RSPH14: variants seen among roughly 807,000 people sequenced by gnomAD.
RSPH14 encodes the protein rhabdoid tumor deletion region gene 1.
Under a neutral mutation model 26.7 loss-of-function variants are expected in RSPH14, and 20 were observed. The observed-to-expected ratio is 0.75, with a 90% CI of 0.53 to 1.09. The LOEUF (loss-of-function observed/expected upper bound fraction) is 1.09. Among genes scored for constraint, RSPH14 ranks in the 50% least tolerant of loss-of-function variants. The probability of loss-of-function intolerance (pLI) is 0.00; values close to 1 mark genes in which losing one functional copy is unlikely to be tolerated. For missense variants in RSPH14, 449 were observed against 457.2 expected, an observed-to-expected ratio of 0.98 and a Z score of 0.16; for synonymous variants, 177 against 189.3, an observed-to-expected ratio of 0.93 and a Z score of 0.53.
the RSPH14 span, among the ~76,000 whole-genome samples, chr22:23,164,770 T>G: frequency 6.6e-6 from 1 of 152,102 alleles, no homozygotes; most frequent in Non-Finnish European, 1.5e-5. Context: ...TGTGTGTCCT[T>G]CCGTTCACCT....
intron 4 of RSPH14, among the ~76,000 whole-genome samples, chr22:23,108,231 C>T (rs559168240): frequency 1.3e-5 from 2 of 152,376 alleles, no homozygotes; most frequent in African/African-American, 4.8e-5. Flanking sequence ...TGCCATCCAC[C>T]CCGTGCTGGG....
chr22:23,173,111 T>C, the RSPH14 span, among the ~76,000 whole-genome samples: 24 of 152,160 alleles, frequency 1.6e-4, no homozygotes, highest in Non-Finnish European at 3.1e-4. Flanking sequence ...ATTGTCTGGA[T>C]GTACCACAGT....
At chr22:23,063,475 T>C (rs1056310937) in intron 5 of RSPH14, among the ~76,000 whole-genome samples, 8 of 152,198 alleles carry the variant, frequency 5.3e-5, no homozygotes, top group Non-Finnish European at 1.2e-4. Context: ...CTGTGTGACC[T>C]GGTGTGAGAC....
At chr22:23,152,666 C>T in the RSPH14 span, 61 of 824,048 alleles carry the variant, frequency 7.4e-5, 1 homozygote, top group Admixed American at 1.8e-4. Flanking sequence ...TGCTGGGAGC[C>T]GGATAAGAGG....
chr22:23,114,205 C>T (rs893820645), intron 4 of RSPH14, among the ~76,000 whole-genome samples: 2 of 152,146 alleles, frequency 1.3e-5, no homozygotes, highest in Admixed American at 6.5e-5. Flanking sequence ...GTGAATGGAG[C>T]GCATTCATGT....
chr22:23,137,245 A>C lies in RSPH14; in HGVS notation c.302+1595T>G, dbSNP rs556009585. Reference sequence around the variant, plus strand: ...GTAGCTGGGACTACAGGCATGTGTCATCATGCTCAGCTAATTTTTGTATTT... The same window carrying C: ...GTAGCTGGGACTACAGGCATGTGTCCTCATGCTCAGCTAATTTTTGTATTT... On this transcript the variant is annotated intron_variant, in intron 3 of 6. Coordinates refer to ENST00000216036, the MANE Select transcript of RSPH14 (RefSeq NM_014433.3). 1.4e-4 allele frequency among the ~76,000 whole-genome samples: 20 copies of C among 138,362 alleles called. 2 individuals carry two copies. In the Admixed American group the frequency reaches 1.5e-3, roughly 11 times the overall value. The allele number at this position is 138,362 out of a possible 152,430, so 90.8% of individuals were successfully genotyped here.
the RSPH14 span, chr22:23,152,514 G>A: frequency 2.5e-6 from 4 of 1,614,044 alleles, no homozygotes; most frequent in African/African-American, 1.3e-5. Context: ...GGGAAGACCA[G>A]CCTCATCCAC....
At chr22:23,178,136 G>A in the RSPH14 span, among the ~76,000 whole-genome samples, 1 of 152,124 alleles carries the variant, frequency 6.6e-6, no homozygotes, top group African/African-American at 2.4e-5. Flanking sequence ...GCCATTGAGG[G>A]CTGGGTGCAG....
chr22:23,069,705 C>T (rs917836144), intron 4 of RSPH14, among the ~76,000 whole-genome samples: 1 of 152,146 alleles, frequency 6.6e-6, no homozygotes, highest in Non-Finnish European at 1.5e-5. Flanking sequence ...AGACACTGGG[C>T]GGTGGCGGCG....
chr22:23,171,856 A>C, the RSPH14 span, among the ~76,000 whole-genome samples: 1 of 10,294 alleles, frequency 9.7e-5, no homozygotes, highest in Non-Finnish European at 1.8e-4. Context: ...AAAAAAAAAC[A>C]AAAAAAAAAA....
the RSPH14 span, chr22:23,162,591 C>T: frequency 1.3e-5 from 6 of 454,324 alleles, no homozygotes; most frequent in Admixed American, 1.4e-4. Flanking sequence ...ACAGAAATAC[C>T]CCACACATTC....
intron 4 of RSPH14, among the ~76,000 whole-genome samples, chr22:23,089,457 A>G (rs2032504709): frequency 6.6e-6 from 1 of 152,152 alleles, no homozygotes; most frequent in African/African-American, 2.4e-5. Context: ...CTCTATGCCT[A>G]GCAGCAGGCT....
At chr22:23,086,297 C>CG (rs1459856021) in intron 4 of RSPH14, among the ~76,000 whole-genome samples, 6 of 152,316 alleles carry the variant, frequency 3.9e-5, no homozygotes, top group African/African-American at 1.4e-4. Context: ...CAGGCCACCC[C>CG]GGGAAATCAC....
At chr22:23,072,871 A>G (rs981355768) in intron 4 of RSPH14, among the ~76,000 whole-genome samples, 2 of 152,192 alleles carry the variant, frequency 1.3e-5, no homozygotes, top group Non-Finnish European at 2.9e-5. Context: ...CTGGTGCAGG[A>G]GTATGGGTGG....
chr22:23,162,558 C>T, the RSPH14 span: 13 of 443,194 alleles, frequency 2.9e-5, no homozygotes, highest in African/African-American at 6.0e-5. Context: ...TCTCCAACAC[C>T]GCCTCCTGCA....
intron 4 of RSPH14, among the ~76,000 whole-genome samples, chr22:23,098,765 A>G (rs2069199486): frequency 6.6e-6 from 1 of 152,222 alleles, no homozygotes; most frequent in South Asian, 2.1e-4. Flanking sequence ...AGGAAAGACA[A>G]TCCCCTCCCG....
intron 4 of RSPH14, chr22:23,132,640 C>A (rs1046392095): frequency 6.6e-6 from 1 of 152,156 alleles, no homozygotes; most frequent in African/African-American, 2.4e-5. Context: ...AGAAAAAAAT[C>A]TATGATTAAT....
chr22:23,173,197 C>T, the RSPH14 span, among the ~76,000 whole-genome samples: 28 of 147,732 alleles, frequency 1.9e-4, no homozygotes, highest in Admixed American at 1.5e-3. Context: ...TGCAGTGGCG[C>T]GATCTCCGCT....
chr22:23,064,044 T>A lies in RSPH14; in HGVS notation c.511A>T (p.Ile171Phe). 2 of 1,614,050 alleles carry A rather than the reference T, an allele frequency of 1.2e-6. No homozygotes were observed. Among genetic ancestry groups the A allele is most frequent in the Non-Finnish European group, 1.7e-6 (2 of 1,179,944 alleles). Residue 171 changes from isoleucine to phenylalanine, a missense_variant, in exon 5 of 7, where the codon ATC becomes TTC. Coordinates refer to ENST00000216036, the MANE Select transcript of RSPH14 (RefSeq NM_014433.3). The part of the protein sequence containing the change: ...EVEEEEFQEF[I>F]LDTLVLCLQE... ...AGGCAGAGGACCAGTGTGTCCAGGA[T>A]GAACTCCTGGAACTCCTCCTCCTCC...
Sources: allele counts gnomAD v4.1 joint callset (sites outside exome capture counted in the v4.1 genomes callset), GRCh38; gene constraint gnomAD v4.1.1; transcripts MANE v1.5; gene names NCBI Gene and HGNC (gene_info 2026-07-23, HGNC 2026-07-21).